Variants in RACGAP1 observed in about 807,000 individuals in gnomAD.
RACGAP1 encodes the protein Rac GTPase activating protein 1, also known as rac GTPase-activating protein 1.
In RACGAP1, 30 loss-of-function variants were observed where a neutral mutation model predicts 78.1. The ratio of observed to expected loss-of-function variants is 0.38; its 90% CI spans 0.29 to 0.52. RACGAP1 has a LOEUF of 0.52. Among genes scored for constraint, RACGAP1 ranks in the 20% least tolerant of loss-of-function variants. The pLI is 0.82. For missense variants in RACGAP1, 587 were observed against 777.1 expected (o/e 0.76, Z 2.91); for synonymous variants, 231 against 264.8 (o/e 0.87, Z 1.24).
chr12:50,001,216 C>T lies in RACGAP1; in HGVS notation c.586G>A (p.Gly196Arg), dbSNP rs191975259. ...TSRQFVDGPP[G>R]PVKKTRSIGS... ...ATGGAACGAGTTTTCTTTACAGGTC[C>T]AGGGGGACCATCAACAAACTGTCGG... Residue 196 changes from glycine to arginine, a missense_variant, in exon 7 of 17, where the codon GGA becomes AGA. Gly to Arg is a moderately radical substitution (Grantham distance 125). Coordinates refer to ENST00000312377, the MANE Select transcript of RACGAP1 (RefSeq NM_001319999.2). 2.5e-5 allele frequency: 40 copies of T among 1,612,246 alleles called. 1 individual carries two copies. In the Middle Eastern group the frequency reaches 6.6e-4, roughly 27 times the overall value.
chr12:50,018,633 G>A (rs1949815508), intron 1 of RACGAP1: 1 of 1,098,076 alleles, frequency 9.1e-7, no homozygotes, highest in South Asian at 1.3e-5. Flanking sequence ...TTTAATATAA[G>A]GTATTACTTT....
intron 6 of RACGAP1, among the ~76,000 whole-genome samples, chr12:50,001,921 C>A (rs1003562400): frequency 6.6e-6 from 1 of 151,988 alleles, no homozygotes; most frequent in Non-Finnish European, 1.5e-5. Flanking sequence ...CAAAAATTAG[C>A]CAGGCATGGT....
At chr12:50,016,448 AGAATTTTAGTGACCATTTAGAAT>A (rs966072317) in intron 2 of RACGAP1, among the ~76,000 whole-genome samples, 160 bp downstream of exon 2, 6 of 152,234 alleles carry the variant, frequency 3.9e-5, no homozygotes, top group African/African-American at 1.4e-4. Context: ...GCTATAGAAA[AGAATTTTAGTGACCATTTAGAAT>A]GAGTGCCCAT....
rs948442395 is a variant in RACGAP1, at chr12:50,004,109, G to A, written c.495+126C>T. 6 of 1,339,036 alleles carry A rather than the reference G, an allele frequency of 4.5e-6. No homozygotes were observed. The African/African-American group carries it at 8.8e-5, about 20-fold the overall frequency. 82.9% of individuals were successfully genotyped at this position (1,339,036 alleles called of 1,614,324 possible). On this transcript the variant is annotated intron_variant, in intron 5 of 16. Coordinates refer to ENST00000312377, the MANE Select transcript of RACGAP1 (RefSeq NM_001319999.2). Reference sequence around the variant, plus strand: ...ATTTATATTTTAAATTGCTAGCTCAGAATCTATAACACATCAACTAATAAA... The same window carrying A: ...ATTTATATTTTAAATTGCTAGCTCAAAATCTATAACACATCAACTAATAAA...
chr12:50,021,949 G>A (rs1238782046), intron 1 of RACGAP1, among the ~76,000 whole-genome samples: 1 of 152,164 alleles, frequency 6.6e-6, no homozygotes. Context: ...GCGGACAGAA[G>A]GATTATCTTG....
intron 2 of RACGAP1, among the ~76,000 whole-genome samples, chr12:50,012,506 A>G (rs1317975478): frequency 6.6e-6 from 1 of 152,060 alleles, no homozygotes; most frequent in Non-Finnish European, 1.5e-5. Flanking sequence ...GGTTGCGGTA[A>G]GCCACGATTG....
upstream of RACGAP1, among the ~76,000 whole-genome samples, chr12:50,026,889 G>A (rs1215815221): frequency 6.6e-6 from 1 of 152,090 alleles, no homozygotes; most frequent in Admixed American, 6.6e-5. Context: ...ATGTTGTCCA[G>A]GCTAGTCTTG....
chr12:50,015,831 A>T (rs1429536359), intron 2 of RACGAP1, among the ~76,000 whole-genome samples: 1 of 150,396 alleles, frequency 6.6e-6, no homozygotes, highest in Non-Finnish European at 1.5e-5. Flanking sequence ...AAAAAATTTA[A>T]AAAAAAATTT....
Position 49,997,455 on chromosome 12 carries a change from T to C in RACGAP1, c.880-251A>G, listed in dbSNP as rs558733230. Among the ~76,000 whole-genome samples, 9 of 151,826 alleles carry C rather than the reference T, an allele frequency of 5.9e-5. No individual in the cohort carries two copies. In the South Asian group the frequency reaches 1.9e-3, roughly 32 times the overall value. On this transcript the variant is annotated intron_variant, in intron 9 of 16. Transcript: ENST00000312377. ...ACGCCCAGCTAATTTTTCGTATTTT[T>C]AGTAGAGACAGGGTTTCACCATGTT...
chr12:50,030,348 C>CA (rs58620170), upstream of RACGAP1, among the ~76,000 whole-genome samples: 305 of 82,504 alleles, frequency 3.7e-3, 1 homozygote, highest in East Asian at 0.022. Flanking sequence ...GACCTTGTCT[C>CA]AAAAAAAAAA....
At chr12:50,001,382 G>C in intron 6 of RACGAP1, 130 bp from the exon 7 acceptor site, 1 of 585,436 alleles carries the variant, frequency 1.7e-6, no homozygotes, top group Non-Finnish European at 3.0e-6. Context: ...CAAACAATGT[G>C]TTCTCTCTCT....
chr12:50,027,270 T>C (rs940757414), upstream of RACGAP1, among the ~76,000 whole-genome samples: 6 of 152,200 alleles, frequency 3.9e-5, no homozygotes, highest in Non-Finnish European at 7.4e-5. Context: ...GGAGCATTCA[T>C]TGATTGCATT....
rs1252080613 is a variant in RACGAP1, at chr12:49,989,648, A to G, written c.*620T>C. ...TTACAAGGTTGTGCCACTCAACACT[A>G]TTAAAGACCTAATCATCCAAATCAA... is the stretch of plus-strand genomic sequence containing the variant. On this transcript the variant is annotated 3_prime_UTR_variant, in exon 17 of 17. Coordinates refer to ENST00000312377, the MANE Select transcript of RACGAP1 (RefSeq NM_001319999.2). The G allele has an allele frequency of 6.6e-6, 1 of 152,246 alleles. No homozygotes were observed. The highest frequency in any genetic ancestry group is 2.4e-5 in the African/African-American group (1 of 41,458). The allele number at this position is 152,246 out of a possible 1,614,324, so 9.4% of individuals were successfully genotyped here. A position where few individuals can be genotyped will look rare whatever the true frequency, so the allele number is the denominator to read the frequency against.
chr12:50,024,194 C>A (rs562900819), intron 1 of RACGAP1, among the ~76,000 whole-genome samples: 173 of 151,922 alleles, frequency 1.1e-3, no homozygotes, highest in African/African-American at 4.1e-3. Context: ...ATCAAAAAGA[C>A]CCCTGCATTG....
rs144784699 is a variant in RACGAP1, at chr12:50,017,669, T to A, written c.-4-950A>T. 2.7e-3 allele frequency among the ~76,000 whole-genome samples: 417 copies of A among 152,340 alleles called. 9 individuals carry two copies. The East Asian group carries it at 0.07, about 25-fold the overall frequency. Reference sequence around the variant, plus strand: ...GTCAAATTTTATTAGAAATTTAATGTCCTCAGAAATACCATTAAAGGATTC... The same window carrying A: ...GTCAAATTTTATTAGAAATTTAATGACCTCAGAAATACCATTAAAGGATTC... On this transcript the variant is annotated intron_variant, in intron 1 of 16. Coordinates refer to ENST00000312377, the MANE Select transcript of RACGAP1 (RefSeq NM_001319999.2).
Position 50,002,317 on chromosome 12 carries a change from T to C in RACGAP1, c.496-17A>G, listed in dbSNP as rs369319997. On this transcript the variant is annotated splice_polypyrimidine_tract_variant and intron_variant, in intron 5 of 16. Transcript: ENST00000312377. ...GTCCCAATCCTGTTGACAATTACAC[T>C]GTATTAATTTCTTTTTTTGGTTAGG... 3.6e-5 allele frequency: 58 copies of C among 1,607,412 alleles called. No homozygotes were observed. In the African/African-American group the frequency reaches 7.5e-4, roughly 21 times the overall value.
chr12:50,028,925 C>A (rs1565715008), upstream of RACGAP1, among the ~76,000 whole-genome samples: 1 of 150,726 alleles, frequency 6.6e-6, no homozygotes, highest in Non-Finnish European at 1.5e-5. Context: ...CTACTAACAA[C>A]ACAAAAGTTA....
At chr12:49,994,715 TACCACACTTTTTCTTTTTCATATATAC>T (rs1241891939) in intron 10 of RACGAP1, among the ~76,000 whole-genome samples, 1 of 152,228 alleles carries the variant, frequency 6.6e-6, no homozygotes, top group Non-Finnish European at 1.5e-5. Flanking sequence ...TTATCATATA[TACCACACTTTTTCTTTTTCATATATAC>T]ACCACACTGT....
In RACGAP1 at chr12:49,996,668, A is replaced by AAT. The variant is rs1948302735; in HGVS notation, c.1044+371_1044+372insAT. ...AAAAAAAAAAAAAAAAAAAAAAAAA[A>AAT]TGGACACAAGTTAGTAATCATGGAA... On this transcript the variant is annotated intron_variant, in intron 10 of 16. Transcript: ENST00000312377. Among the ~76,000 whole-genome samples the AAT allele has an allele frequency of 1.2e-3, 149 of 129,332 alleles. 7 individuals carry two copies. The highest frequency in any genetic ancestry group is 5.2e-3 in the African/African-American group (137 of 26,424). 84.8% of individuals were successfully genotyped at this position (129,332 alleles called of 152,430 possible).
Sources: allele counts gnomAD v4.1 joint callset (sites outside exome capture counted in the v4.1 genomes callset), GRCh38; gene constraint gnomAD v4.1.1; transcripts MANE v1.5; gene names NCBI Gene and HGNC (gene_info 2026-07-23, HGNC 2026-07-21).